Variants in NUGGC observed in about 807,000 individuals in gnomAD.
The protein encoded by NUGGC is nuclear GTPase, germinal center associated.
Under a neutral mutation model 92.6 loss-of-function variants are expected in NUGGC, and 58 were observed. That is an observed-to-expected ratio of 0.63 (90% CI 0.51 to 0.78). The LOEUF is 0.78. Ranked by LOEUF, NUGGC falls within the 30% of genes least tolerant of loss-of-function variation. The pLI is 0.00. For missense variants in NUGGC, 925 were observed against 964.6 expected (o/e 0.96, Z 0.54); for synonymous variants, 376 against 366.4 (o/e 1.03, Z -0.30).
chr8:28,064,932 C>T (rs573584041), intron 6 of NUGGC, among the ~76,000 whole-genome samples: 1 of 152,246 alleles, frequency 6.6e-6, no homozygotes, highest in East Asian at 1.9e-4. Context: ...AAGATCCTTA[C>T]CTTACAGATG....
intron 10 of NUGGC, among the ~76,000 whole-genome samples, chr8:28,052,651 G>T (rs12549217): frequency 6.6e-6 from 1 of 151,996 alleles, no homozygotes; most frequent in Non-Finnish European, 1.5e-5. Flanking sequence ...CTTGATTTTG[G>T]ACTTCCAGCC....
At chr8:28,053,408 C>T (rs1810055134) in intron 10 of NUGGC, among the ~76,000 whole-genome samples, 1 of 152,078 alleles carries the variant, frequency 6.6e-6, no homozygotes, top group Admixed American at 6.6e-5. Context: ...ATAGCTTGAG[C>T]CCAGGAATTC....
intron 2 of NUGGC, among the ~76,000 whole-genome samples, chr8:28,071,424 C>CA (rs796221691): frequency 1.1e-4 from 16 of 151,792 alleles, no homozygotes; most frequent in Admixed American, 2.0e-4. Flanking sequence ...AGAGAACTGA[C>CA]AAAAAAAATA....
At chr8:28,029,945 G>A (rs1312058230) in intron 16 of NUGGC, among the ~76,000 whole-genome samples, 1 of 151,984 alleles carries the variant, frequency 6.6e-6, no homozygotes. Flanking sequence ...CCCCTCAAAC[G>A]ACAGAGCCAC....
intron 2 of NUGGC, among the ~76,000 whole-genome samples, chr8:28,070,683 C>A (rs972154785): frequency 4.6e-5 from 7 of 150,948 alleles, no homozygotes; most frequent in South Asian, 2.1e-4. Flanking sequence ...GCAACCTCAA[C>A]CTCCCAGGCT....
rs1370280860 is a variant in NUGGC, at chr8:28,074,441, G to A, written c.-31C>T. 1.2e-6 allele frequency: 2 copies of A among 1,612,460 alleles called. No individual in the cohort carries two copies. Among genetic ancestry groups the A allele is most frequent in the African/African-American group, 1.3e-5 (1 of 74,890 alleles). On this transcript the variant is annotated 5_prime_UTR_variant, in exon 2 of 19. Coordinates refer to ENST00000413272, the MANE Select transcript of NUGGC (RefSeq NM_001010906.2). ...GTTACGTGAACTCCTGCTCTTCTCA[G>A]TTCAGGAGAACCAGCCTGTGAAGAC... is the stretch of plus-strand genomic sequence containing the variant.
Position 28,047,563 on chromosome 8 carries a change from T to C in NUGGC, c.1256A>G (p.Tyr419Cys). Residue 419 changes from tyrosine to cysteine, a missense_variant, in exon 11 of 19, where the codon TAT becomes TGT. Tyr to Cys is a radical substitution (Grantham distance 194). Coordinates refer to ENST00000413272, the MANE Select transcript of NUGGC (RefSeq NM_001010906.2). ...CCAGTACTCCTGGGCGCTGACTGTA[T>C]ACACCAGATCTGAGGCTTCCAGAAC... ...FKVLEASDLV[Y>C]TVSAQEYWQQ... 1 of 1,571,450 alleles carries C rather than the reference T, an allele frequency of 6.4e-7. No individual in the cohort carries two copies. Among genetic ancestry groups the C allele is most frequent in the Non-Finnish European group, 8.6e-7 (1 of 1,157,090 alleles).
At chr8:28,049,475 TC>T (rs1189892624) in intron 10 of NUGGC, among the ~76,000 whole-genome samples, 1 of 152,248 alleles carries the variant, frequency 6.6e-6, no homozygotes. Flanking sequence ...TGGACCTAAA[TC>T]TTGTATAACT....
At chr8:28,083,751 A>G (rs1322976336) in intron 1 of NUGGC, 24 bp downstream of exon 1, 2 of 152,146 alleles carry the variant, frequency 1.3e-5, no homozygotes, top group Non-Finnish European at 2.9e-5. Flanking sequence ...TTACAGTACA[A>G]ATTACATAAA....
At chr8:28,049,627 G>A (rs1809936596) in intron 10 of NUGGC, among the ~76,000 whole-genome samples, 1 of 152,258 alleles carries the variant, frequency 6.6e-6, no homozygotes, top group South Asian at 2.1e-4. Context: ...GCTACAGCTA[G>A]AGGTAGGATC....
chr8:28,081,114 T>A (rs1434878180), intron 1 of NUGGC, among the ~76,000 whole-genome samples: 1 of 151,976 alleles, frequency 6.6e-6, no homozygotes, highest in Admixed American at 6.6e-5. Context: ...AGGTCAGGAG[T>A]TCGAGACCAG....
At chr8:28,033,467 C>T (rs1809473414) in intron 14 of NUGGC, 73 bp downstream of exon 14, 1 of 1,445,428 alleles carries the variant, frequency 6.9e-7, no homozygotes, top group Non-Finnish European at 9.5e-7. Context: ...GATCCAAAGT[C>T]TAAATTCTTA....
intron 10 of NUGGC, among the ~76,000 whole-genome samples, chr8:28,048,550 A>G (rs984590519): frequency 6.6e-6 from 1 of 152,178 alleles, no homozygotes; most frequent in Non-Finnish European, 1.5e-5. Flanking sequence ...GTAATCATAC[A>G]CATTTTAATG....
chr8:28,064,548 T>C lies in NUGGC; in HGVS notation c.895A>G (p.Ser299Gly), dbSNP rs1284192872. Residue 299 changes from serine (S) to glycine (G), a missense_variant, in exon 7 of 19, where the codon AGC (serine) becomes GGC (glycine). Physicochemically the swap from Ser to Gly is moderately conservative, Grantham distance 56. Transcript: ENST00000413272. ...TTTTTCCACATCTCGTCCCTCTTGC[T>C]GTTGAAGTCGCCTGTGCCTGGGATG... ...VDIPGTGDFNSKRDEMWKKTI... is the reference protein window; with the variant it reads ...VDIPGTGDFNGKRDEMWKKTI... The C allele has an allele frequency of 6.2e-7, 1 of 1,614,084 alleles. No individual in the cohort carries two copies. Among genetic ancestry groups the C allele is most frequent in the Middle Eastern group, 1.6e-4 (1 of 6,062 alleles).
At chr8:28,072,221 T>C (rs1810608502) in intron 2 of NUGGC, among the ~76,000 whole-genome samples, 1 of 152,216 alleles carries the variant, frequency 6.6e-6, no homozygotes, top group Non-Finnish European at 1.5e-5. Context: ...TTCTAACTGA[T>C]GATTGAGCTC....
intron 18 of NUGGC, among the ~76,000 whole-genome samples, chr8:28,026,715 A>G (rs1809270140): frequency 6.6e-6 from 1 of 152,138 alleles, no homozygotes; most frequent in Non-Finnish European, 1.5e-5. Flanking sequence ...GCCTGAGTAT[A>G]ATGCTTGCTG....
intron 7 of NUGGC, among the ~76,000 whole-genome samples, chr8:28,063,038 C>T (rs1309114357): frequency 6.6e-6 from 1 of 152,112 alleles, no homozygotes. Flanking sequence ...AGAGACATGC[C>T]TCAAGTCACG....
intron 13 of NUGGC, among the ~76,000 whole-genome samples, chr8:28,036,324 C>G (rs2130102417): frequency 6.6e-6 from 1 of 152,256 alleles, no homozygotes; most frequent in African/African-American, 2.4e-5. Flanking sequence ...CTCCCCTGCC[C>G]CTCTTTATTC....
intron 14 of NUGGC, 121 bp from the exon 15 acceptor site, chr8:28,031,502 T>C: frequency 1.0e-6 from 1 of 962,026 alleles, no homozygotes. Context: ...ATCTAACAGT[T>C]ATCAAATCCC....
Sources: allele counts gnomAD v4.1 joint callset (sites outside exome capture counted in the v4.1 genomes callset), GRCh38; gene constraint gnomAD v4.1.1; transcripts MANE v1.5; gene names NCBI Gene and HGNC (gene_info 2026-07-23, HGNC 2026-07-21).